GALNT14: variants seen among roughly 807,000 people sequenced by gnomAD.
GALNT14 encodes UDP-GalNAc:polypeptide N-acetylgalactosaminyltransferase 14.
Under a neutral mutation model 77.5 loss-of-function variants are expected in GALNT14, and 60 were observed. The ratio of observed to expected loss-of-function variants is 0.77; its 90% CI spans 0.63 to 0.96. The LOEUF is 0.96. GALNT14 is among the 40% of genes least tolerant of loss of function. GALNT14 has a pLI of 0.00. For missense variants in GALNT14, 710 were observed against 731.0 expected, an observed-to-expected ratio of 0.97 and a Z score of 0.33; for synonymous variants, 280 against 281.7, an observed-to-expected ratio of 0.99 and a Z score of 0.06.
At chr2:31,014,370 A>C (rs1282334308) in intron 1 of GALNT14, among the ~76,000 whole-genome samples, 1 of 151,986 alleles carries the variant, frequency 6.6e-6, no homozygotes, top group Non-Finnish European at 1.5e-5. Context: ...CAATGTTGCA[A>C]CTCATTGCAG....
chr2:31,084,748 G>A (rs1676331081), intron 1 of GALNT14, among the ~76,000 whole-genome samples: 2 of 152,342 alleles, frequency 1.3e-5, no homozygotes, highest in South Asian at 4.1e-4. Flanking sequence ...GTGTGGCCGA[G>A]TGCAGTGGCT....
At chr2:31,123,809 G>A (rs73924417) in intron 1 of GALNT14, among the ~76,000 whole-genome samples, 3,687 of 152,120 alleles carry the variant, frequency 0.024, 105 homozygotes, top group African/African-American at 0.074. Flanking sequence ...CATGTACCCC[G>A]GCAAAGATTC....
At chr2:31,073,056 T>C (rs1001053703) in intron 1 of GALNT14, 1 of 152,138 alleles carries the variant, frequency 6.6e-6, no homozygotes, top group African/African-American at 2.4e-5. Flanking sequence ...TGGCAGCAAG[T>C]GGTCACCTGG....
chr2:31,060,199 T>C (rs1015885678), intron 1 of GALNT14, among the ~76,000 whole-genome samples: 4 of 151,736 alleles, frequency 2.6e-5, no homozygotes, highest in African/African-American at 9.7e-5. Flanking sequence ...ACCAAGGAGG[T>C]CCCAGGTCAT....
At position 30,983,162 on chromosome 2, in the gene GALNT14, T is replaced by G. The variant is rs562088918; in HGVS notation, c.299+9676A>C. The stretch of plus-strand genomic sequence containing the variant: ...CCAGGGCTTATTTTCAAGGCTAGCT[T>G]AAGGGACCATGCCTCCTGTGGAAAG... On this transcript the variant is annotated intron_variant, in intron 2 of 14. Coordinates refer to ENST00000349752, the MANE Select transcript of GALNT14 (RefSeq NM_024572.4). 7.2e-5 allele frequency among the ~76,000 whole-genome samples: 11 copies of G among 152,174 alleles called. No individual in the cohort carries two copies. In the South Asian group the frequency reaches 1.5e-3, roughly 20 times the overall value.
At chr2:30,899,892 G>T in the GALNT14 span, among the ~76,000 whole-genome samples, 1 of 152,112 alleles carries the variant, frequency 6.6e-6, no homozygotes, top group Non-Finnish European at 1.5e-5. Flanking sequence ...TGCCACGTGG[G>T]GCGTCGCAGA....
intron 1 of GALNT14, among the ~76,000 whole-genome samples, chr2:31,007,316 C>T (rs1364855875): frequency 6.6e-6 from 1 of 152,134 alleles, no homozygotes; most frequent in African/African-American, 2.4e-5. Context: ...GCAGGAACCT[C>T]GCCCAGGGAA....
Position 30,924,199 on chromosome 2 carries a change from G to A in GALNT14, c.1300C>T (p.Gln434Ter). The part of the protein sequence containing the change: ...IRQRQKCLES[Q>*]RQNNQETPNL... Reference sequence around the variant, plus strand: ...GGGGTTTCTTGGTTGTTCTGCCTTTGAGATTCCAGGCACTTCTGTCTCTGT... The same window carrying A: ...GGGGTTTCTTGGTTGTTCTGCCTTTAAGATTCCAGGCACTTCTGTCTCTGT... The change falls in exon 13 of 15, where the codon CAA becomes TAA. Residue 434 changes from glutamine to a stop codon, truncating the protein, a stop_gained. Coordinates refer to ENST00000349752, the MANE Select transcript of GALNT14 (RefSeq NM_024572.4). LOFTEE classifies it high-confidence loss of function. 1 of 1,614,192 alleles carries A rather than the reference G, an allele frequency of 6.2e-7. No individual in the cohort carries two copies. The highest frequency in any genetic ancestry group is 8.5e-7 in the Non-Finnish European group (1 of 1,180,018).
the GALNT14 span, among the ~76,000 whole-genome samples, chr2:30,900,069 G>T: frequency 6.6e-6 from 1 of 152,144 alleles, no homozygotes; most frequent in East Asian, 1.9e-4. Flanking sequence ...TCTATTACGG[G>T]TAACTTTACT....
intron 1 of GALNT14, among the ~76,000 whole-genome samples, chr2:31,066,353 C>A (rs1166414223): frequency 1.3e-5 from 2 of 150,432 alleles, no homozygotes; most frequent in Non-Finnish European, 2.9e-5. Context: ...TGGGCCTCGA[C>A]AGGGCCATTA....
chr2:30,978,933 A>G (rs1668812574), intron 2 of GALNT14, among the ~76,000 whole-genome samples: 1 of 152,176 alleles, frequency 6.6e-6, no homozygotes, highest in Admixed American at 6.5e-5. Context: ...TCTGAGGGGC[A>G]AGCGGTCTTC....
chr2:31,005,951 C>A (rs1670646493), intron 1 of GALNT14, among the ~76,000 whole-genome samples: 1 of 152,322 alleles, frequency 6.6e-6, no homozygotes, highest in Non-Finnish European at 1.5e-5. Flanking sequence ...AGCACAGAAG[C>A]TGTGCAGGGT....
downstream of GALNT14, among the ~76,000 whole-genome samples, chr2:30,909,826 A>G (rs1013551109): frequency 6.6e-6 from 1 of 151,900 alleles, no homozygotes; most frequent in Non-Finnish European, 1.5e-5. Flanking sequence ...TCCAACAATG[A>G]TAGACTGGAT....
intron 1 of GALNT14, among the ~76,000 whole-genome samples, chr2:31,067,054 T>C (rs1158179698): frequency 6.6e-6 from 1 of 151,954 alleles, no homozygotes; most frequent in Non-Finnish European, 1.5e-5. Context: ...TCCTTTTCCT[T>C]CCCCCAGCAG....
chr2:31,130,762 G>A (rs1678939266), intron 1 of GALNT14, among the ~76,000 whole-genome samples: 1 of 141,686 alleles, frequency 7.1e-6, no homozygotes, highest in East Asian at 2.0e-4. Flanking sequence ...GTGTGTGTGT[G>A]TGTGTGTGTG....
At chr2:30,914,636 C>A (rs1393308251) in intron 13 of GALNT14, among the ~76,000 whole-genome samples, 1 of 152,236 alleles carries the variant, frequency 6.6e-6, no homozygotes, top group Non-Finnish European at 1.5e-5. Context: ...GTGCTGGCTT[C>A]TAGCCTGAGC....
intron 1 of GALNT14, among the ~76,000 whole-genome samples, chr2:31,045,931 T>C (rs1427809643): frequency 6.6e-6 from 1 of 152,192 alleles, no homozygotes; most frequent in Non-Finnish European, 1.5e-5. Context: ...TTCTATACTA[T>C]CATCCTGTTA....
intron 1 of GALNT14, among the ~76,000 whole-genome samples, chr2:31,049,525 C>T (rs531815641): frequency 8.1e-4 from 124 of 152,322 alleles, no homozygotes; most frequent in African/African-American, 2.8e-3. Flanking sequence ...GGAAGCTCAA[C>T]TGCTGGCCCT....
chr2:31,048,835 C>T (rs1001633669), intron 1 of GALNT14, among the ~76,000 whole-genome samples: 1 of 152,142 alleles, frequency 6.6e-6, no homozygotes, highest in Non-Finnish European at 1.5e-5. Flanking sequence ...AAGTGCCCCA[C>T]GTCCTTGAGA....
Sources: allele counts gnomAD v4.1 joint callset (sites outside exome capture counted in the v4.1 genomes callset), GRCh38; gene constraint gnomAD v4.1.1; transcripts MANE v1.5; gene names NCBI Gene and HGNC (gene_info 2026-07-23, HGNC 2026-07-21).